Variants in SESN1 observed in about 807,000 individuals in gnomAD.
SESN1 encodes the protein sestrin 1, also known as sestrin-1.
Under a neutral mutation model 59.3 loss-of-function variants are expected in SESN1, and 30 were observed. The ratio of observed to expected loss-of-function variants is 0.51; its 90% confidence interval spans 0.38 to 0.69. The LOEUF is 0.69. Ranked by LOEUF, SESN1 falls within the 30% of genes least tolerant of loss-of-function variation. SESN1 has a pLI of 0.00. For missense variants in SESN1, 566 were observed against 673.0 expected, an observed-to-expected ratio of 0.84 and a Z score of 1.76; for synonymous variants, 197 against 219.9, an observed-to-expected ratio of 0.90 and a Z score of 0.92.
Position 109,000,681 on chromosome 6 carries a change from C to A in SESN1, c.547-8G>T. 6.5e-7 allele frequency: 1 copy of A among 1,537,142 alleles called. No individual in the cohort carries two copies. The highest frequency in any genetic ancestry group is 8.8e-7 in the Non-Finnish European group (1 of 1,142,760). ...CTGATGTCTTGCCGCAGCCTTAAAACAAAAAGATTATTCTAATTATAAATA... is the reference window on the plus strand; with the variant it reads ...CTGATGTCTTGCCGCAGCCTTAAAAAAAAAAGATTATTCTAATTATAAATA... On this transcript the variant is annotated splice_region_variant and splice_polypyrimidine_tract_variant and intron_variant, in intron 3 of 9. Coordinates refer to ENST00000436639, the MANE Select transcript of SESN1 (RefSeq NM_014454.3).
chr6:109,063,713 T>G (rs1424794203), intron 1 of SESN1, among the ~76,000 whole-genome samples: 5 of 152,194 alleles, frequency 3.3e-5, no homozygotes, highest in African/African-American at 1.2e-4. Context: ...CGTCTTGTGC[T>G]ACCATCTTTT....
chr6:109,093,703 A>G, intron 1 of SESN1, 92 bp downstream of exon 1: 2 of 1,283,362 alleles, frequency 1.6e-6, no homozygotes, highest in Non-Finnish European at 2.2e-6. Context: ...AGTTTACATA[A>G]CAACCTAATA....
At chr6:109,091,077 G>A (rs1438739139) in intron 1 of SESN1, among the ~76,000 whole-genome samples, 2 of 152,058 alleles carry the variant, frequency 1.3e-5, no homozygotes, top group African/African-American at 4.8e-5. Flanking sequence ...GCCCAACTTA[G>A]TATAACTTCT....
At chr6:109,024,769 C>A (rs754412436) in intron 1 of SESN1, among the ~76,000 whole-genome samples, 1 of 152,164 alleles carries the variant, frequency 6.6e-6, no homozygotes, top group African/African-American at 2.4e-5. Context: ...TGGCTGAGAA[C>A]TGTCACTTGC....
intron 1 of SESN1, among the ~76,000 whole-genome samples, chr6:109,026,629 C>G (rs553165357): frequency 6.6e-6 from 1 of 152,026 alleles, no homozygotes; most frequent in Non-Finnish European, 1.5e-5. Flanking sequence ...CTCAGCCTCC[C>G]GAGTAGCTAG....
At chr6:109,073,248 G>T (rs1048762560) in intron 1 of SESN1, among the ~76,000 whole-genome samples, 1 of 152,182 alleles carries the variant, frequency 6.6e-6, no homozygotes, top group Admixed American at 6.6e-5. Flanking sequence ...TAAGCTCTAC[G>T]AGGGTAGTGA....
intron 1 of SESN1, among the ~76,000 whole-genome samples, chr6:109,049,647 A>T (rs2114438114): frequency 6.6e-6 from 1 of 151,690 alleles, no homozygotes; most frequent in East Asian, 1.9e-4. Flanking sequence ...ATTATGTACA[A>T]TTATTATGTG....
chr6:109,049,627 G>A (rs1209286037), intron 1 of SESN1, among the ~76,000 whole-genome samples: 1 of 151,398 alleles, frequency 6.6e-6, no homozygotes, highest in Non-Finnish European at 1.5e-5. Flanking sequence ...ACACTATTAT[G>A]TACCCCATAA....
intron 1 of SESN1, among the ~76,000 whole-genome samples, chr6:109,055,317 TGG>T: frequency 1.3e-5 from 2 of 152,164 alleles, no homozygotes; most frequent in African/African-American, 4.8e-5. Flanking sequence ...TCAAGTTGTG[TGG>T]TATTTTTCAG....
chr6:109,061,694 C>T (rs926342456), intron 1 of SESN1, among the ~76,000 whole-genome samples: 4 of 152,040 alleles, frequency 2.6e-5, no homozygotes, highest in African/African-American at 9.7e-5. Context: ...GTCTTAGCTC[C>T]TCAGGAGGCT....
chr6:109,069,687 G>A (rs953048259), intron 1 of SESN1, among the ~76,000 whole-genome samples: 4 of 151,990 alleles, frequency 2.6e-5, no homozygotes, highest in Admixed American at 1.3e-4. Context: ...GACCACAGCC[G>A]TGTACCACGA....
At chr6:108,989,578 T>C (rs1033704568) in intron 8 of SESN1, among the ~76,000 whole-genome samples, 16 of 151,222 alleles carry the variant, frequency 1.1e-4, no homozygotes, top group Non-Finnish European at 2.1e-4. Flanking sequence ...TAGAGATATC[T>C]ATATATAGAG....
rs577654911 is a variant in SESN1, at chr6:109,060,210, G to T, written c.279+33585C>A. On this transcript the variant is annotated intron_variant, in intron 1 of 9. Coordinates refer to ENST00000436639, the MANE Select transcript of SESN1 (RefSeq NM_014454.3). ...ACCACTAAATAAAACATTAACAAAG[G>T]ATAATTTGTTGAGTTTTTTTTCTAG... Among the ~76,000 whole-genome samples, 5 of 152,134 alleles carry T rather than the reference G, an allele frequency of 3.3e-5. 1 individual carries two copies. In the East Asian group the frequency reaches 9.6e-4, roughly 29 times the overall value.
chr6:109,018,667 T>C (rs573972513), intron 1 of SESN1, among the ~76,000 whole-genome samples: 1 of 152,354 alleles, frequency 6.6e-6, no homozygotes, highest in African/African-American at 2.4e-5. Context: ...TAATAAAGAA[T>C]GCAAGTAGTT....
intron 1 of SESN1, among the ~76,000 whole-genome samples, chr6:109,070,024 C>T (rs950067490): frequency 1.3e-5 from 2 of 152,184 alleles, no homozygotes; most frequent in Non-Finnish European, 2.9e-5. Flanking sequence ...GTCTTCATGC[C>T]TCCTTTGTTG....
intron 6 of SESN1, among the ~76,000 whole-genome samples, 174 bp downstream of exon 6, chr6:108,994,288 T>C (rs1779454534): frequency 1.3e-5 from 2 of 152,186 alleles, no homozygotes; most frequent in South Asian, 4.1e-4. Context: ...TTTTCACTTA[T>C]GACCTTTTCT....
chr6:109,080,454 C>T (rs1022872236), intron 1 of SESN1, among the ~76,000 whole-genome samples: 1 of 152,012 alleles, frequency 6.6e-6, no homozygotes, highest in African/African-American at 2.4e-5. Flanking sequence ...GATCAGGCAA[C>T]TTTTATAATG....
intron 1 of SESN1, among the ~76,000 whole-genome samples, chr6:109,018,668 G>T (rs1779962922): frequency 6.6e-6 from 1 of 152,168 alleles, no homozygotes; most frequent in Non-Finnish European, 1.5e-5. Context: ...AATAAAGAAT[G>T]CAAGTAGTTG....
chr6:109,078,103 T>C (rs538407735), intron 1 of SESN1, among the ~76,000 whole-genome samples: 18 of 152,304 alleles, frequency 1.2e-4, no homozygotes, highest in African/African-American at 1.7e-4. Flanking sequence ...AAGCTGTCTT[T>C]TCTATTTAAA....
Sources: gnomAD v4.1 joint callset for allele counts (sites outside exome capture counted in the v4.1 genomes callset) on GRCh38, gnomAD v4.1.1 for gene constraint, MANE v1.5 for transcripts, NCBI Gene and HGNC (gene_info 2026-07-23, HGNC 2026-07-21) for gene names.